Variants in PACSIN2 observed in about 807,000 individuals in gnomAD.
PACSIN2 encodes protein kinase C and casein kinase substrate in neurons 2.
In PACSIN2, 25 loss-of-function variants were observed where a neutral mutation model predicts 63.8. That is an observed-to-expected ratio of 0.39 (90% CI 0.29 to 0.55). The LOEUF is 0.55. PACSIN2 is among the 20% of genes least tolerant of loss of function. The pLI, the probability that PACSIN2 is intolerant of heterozygous loss-of-function variation, is 0.62. For synonymous variants in PACSIN2, 255 were observed against 256.2 expected, an observed-to-expected ratio of 1.00 and a Z score of 0.05; for missense variants, 518 against 646.9, an observed-to-expected ratio of 0.80 and a Z score of 2.16.
At chr22:42,873,836 C>G (rs1928361949) in intron 10 of PACSIN2, among the ~76,000 whole-genome samples, 1 of 151,936 alleles carries the variant, frequency 6.6e-6, no homozygotes, top group Non-Finnish European at 1.5e-5. Flanking sequence ...CTCCATCACC[C>G]AGGCTGGAGT....
At chr22:42,973,855 A>G (rs1921499273) in intron 1 of PACSIN2, among the ~76,000 whole-genome samples, 1 of 152,264 alleles carries the variant, frequency 6.6e-6, no homozygotes, top group African/African-American at 2.4e-5. Context: ...TAAAAGAGGA[A>G]AAGAGAAAAG....
intron 6 of PACSIN2, among the ~76,000 whole-genome samples, chr22:42,882,955 A>G (rs1463766991): frequency 6.6e-6 from 1 of 152,246 alleles, no homozygotes; most frequent in East Asian, 1.9e-4. Context: ...CCCTCCATCA[A>G]GGGTTGAATT....
At chr22:42,970,890 C>T (rs738394) in intron 1 of PACSIN2, among the ~76,000 whole-genome samples, 91,485 of 151,854 alleles carry the variant, frequency 0.6, 28,104 homozygotes, top group East Asian at 0.78. Flanking sequence ...CGCCTCCCCA[C>T]GCCACCCACA....
chr22:42,928,721 A>C (rs970319426), intron 1 of PACSIN2, among the ~76,000 whole-genome samples: 1 of 152,228 alleles, frequency 6.6e-6, no homozygotes, highest in African/African-American at 2.4e-5. Flanking sequence ...CACCAAATTT[A>C]AGGAAAAATA....
chr22:43,001,845 C>T (rs542626989), intron 1 of PACSIN2, among the ~76,000 whole-genome samples: 2 of 152,284 alleles, frequency 1.3e-5, no homozygotes, highest in South Asian at 4.1e-4. Context: ...CAGGGGTAAG[C>T]ACTAAGGTCA....
chr22:42,987,305 T>A (rs1049539881), intron 1 of PACSIN2, among the ~76,000 whole-genome samples: 1 of 152,126 alleles, frequency 6.6e-6, no homozygotes, highest in African/African-American at 2.4e-5. Context: ...TGTTATTATA[T>A]GGGCTGCTTA....
At chr22:42,892,091 G>T (rs1929951674) in intron 3 of PACSIN2, among the ~76,000 whole-genome samples, 1 of 152,220 alleles carries the variant, frequency 6.6e-6, no homozygotes, top group African/African-American at 2.4e-5. Context: ...ATGGCAGGAG[G>T]GGCTGAGTCG....
chr22:42,971,363 A>G (rs1921253423), intron 1 of PACSIN2, among the ~76,000 whole-genome samples: 1 of 152,256 alleles, frequency 6.6e-6, no homozygotes, highest in Non-Finnish European at 1.5e-5. Flanking sequence ...CCAGGACTGC[A>G]GACGGAGTCT....
At chr22:42,928,223 C>T (rs77441698) in intron 1 of PACSIN2, among the ~76,000 whole-genome samples, 68 of 152,322 alleles carry the variant, frequency 4.5e-4, no homozygotes, top group Non-Finnish European at 8.5e-4. Context: ...CCCAAAGAAA[C>T]ACCTTGGCTA....
rs115219794 is a variant in PACSIN2, at chr22:42,953,067, A to T, written c.-77-40910T>A. 3.1e-3 allele frequency among the ~76,000 whole-genome samples: 469 copies of T among 152,318 alleles called. 3 individuals carry two copies. The highest frequency in any genetic ancestry group is 0.011 in the African/African-American group (462 of 41,562). Reference sequence around the variant, plus strand: ...AATATGCAGATAAATATATTGGATAAATCTAAATAGCATTAGCTGTATAAA... The same window carrying T: ...AATATGCAGATAAATATATTGGATATATCTAAATAGCATTAGCTGTATAAA... On this transcript the variant is annotated intron_variant, in intron 1 of 10. Coordinates refer to ENST00000263246, the MANE Select transcript of PACSIN2 (RefSeq NM_001184970.3).
At chr22:42,972,072 A>G (rs1476097108) in intron 1 of PACSIN2, among the ~76,000 whole-genome samples, 35 of 150,190 alleles carry the variant, frequency 2.3e-4, no homozygotes, top group Admixed American at 9.9e-4. Flanking sequence ...TGGGGGGGGG[A>G]AATGTGGGGA....
chr22:43,003,339 G>A (rs1489902922), intron 1 of PACSIN2, among the ~76,000 whole-genome samples: 2 of 152,182 alleles, frequency 1.3e-5, no homozygotes, highest in Non-Finnish European at 2.9e-5. Context: ...GGGCGCGGTG[G>A]CTCACGCCTG....
At chr22:42,933,744 A>G (rs1932831326) in intron 1 of PACSIN2, among the ~76,000 whole-genome samples, 1 of 152,236 alleles carries the variant, frequency 6.6e-6, no homozygotes, top group African/African-American at 2.4e-5. Context: ...AGCATCTGCA[A>G]GTGGCAGAAC....
chr22:42,979,780 T>A (rs1327037574), intron 1 of PACSIN2, among the ~76,000 whole-genome samples: 2 of 152,012 alleles, frequency 1.3e-5, no homozygotes, highest in African/African-American at 4.8e-5. Context: ...GAGGACAAAA[T>A]CCCTAAGTTA....
chr22:43,000,959 G>A (rs1923729218), intron 1 of PACSIN2, among the ~76,000 whole-genome samples: 1 of 152,194 alleles, frequency 6.6e-6, no homozygotes, highest in Non-Finnish European at 1.5e-5. Flanking sequence ...CCAGCTCTGG[G>A]CCCCAACAAG....
chr22:42,989,482 G>C (rs1027055380), intron 1 of PACSIN2, among the ~76,000 whole-genome samples: 75 of 133,932 alleles, frequency 5.6e-4, no homozygotes, highest in Non-Finnish European at 4.1e-4. Context: ...TGGGCAATAA[G>C]AGTGAAACTC....
At chr22:42,934,301 G>A (rs1436971091) in intron 1 of PACSIN2, among the ~76,000 whole-genome samples, 1 of 152,380 alleles carries the variant, frequency 6.6e-6, no homozygotes, top group African/African-American at 2.4e-5. Context: ...ATCTGGTAAA[G>A]AGCTACAGCA....
At chr22:42,920,993 G>A (rs372790775) in intron 1 of PACSIN2, among the ~76,000 whole-genome samples, 7 of 151,660 alleles carry the variant, frequency 4.6e-5, no homozygotes, top group African/African-American at 9.7e-5. Flanking sequence ...ACGGGGTTTC[G>A]TCGTATTGCC....
At chr22:42,938,673 C>T (rs1436165704) in intron 1 of PACSIN2, among the ~76,000 whole-genome samples, 1 of 152,220 alleles carries the variant, frequency 6.6e-6, no homozygotes, top group East Asian at 1.9e-4. Flanking sequence ...GGCACAGTGG[C>T]ATTCCGGTGT....
Sources: allele counts gnomAD v4.1 joint callset (sites outside exome capture counted in the v4.1 genomes callset), GRCh38; gene constraint gnomAD v4.1.1; transcripts MANE v1.5; gene names NCBI Gene and HGNC (gene_info 2026-07-23, HGNC 2026-07-21).